Variants in THSD7B observed in about 807,000 individuals in gnomAD.
THSD7B encodes thrombospondin type 1 domain containing 7B, also known as thrombospondin type-1 domain-containing protein 7B.
A neutral mutation model predicts 213.6 loss-of-function variants in THSD7B; 138 were observed. That is an observed-to-expected ratio of 0.65 (90% CI 0.56 to 0.74). The LOEUF is 0.74. Among genes scored for constraint, THSD7B ranks in the 30% least tolerant of loss-of-function variants. The probability of loss-of-function intolerance (pLI) is 0.00; values close to 1 mark genes in which losing one functional copy is unlikely to be tolerated. For synonymous variants in THSD7B, 742 were observed against 687.0 expected (o/e 1.08, Z -1.25); for missense variants, 1,931 against 1,991.5 (o/e 0.97, Z 0.58).
At chr2:137,270,146 T>C (rs1179923476) in intron 10 of THSD7B, among the ~76,000 whole-genome samples, 1 of 143,790 alleles carries the variant, frequency 7.0e-6, no homozygotes, top group African/African-American at 2.6e-5. Flanking sequence ...TTGTTAGAGA[T>C]AGGGAGACAG....
At chr2:136,771,943 T>A (rs1160272454) in intron 1 of THSD7B, among the ~76,000 whole-genome samples, 1 of 152,174 alleles carries the variant, frequency 6.6e-6, no homozygotes, top group Non-Finnish European at 1.5e-5. Flanking sequence ...ATTAGTTAAT[T>A]ACCTATGAAT....
At chr2:137,367,096 T>C (rs1295847998) in intron 12 of THSD7B, among the ~76,000 whole-genome samples, 6 of 152,080 alleles carry the variant, frequency 3.9e-5, no homozygotes. Context: ...TTGTTTTGGC[T>C]TGAAATCTTT....
At chr2:137,663,960 T>C (rs1381771887) in intron 26 of THSD7B, among the ~76,000 whole-genome samples, 1 of 152,130 alleles carries the variant, frequency 6.6e-6, no homozygotes, top group Admixed American at 6.6e-5. Flanking sequence ...CAAGCGATTC[T>C]CCTGCCATAG....
intron 14 of THSD7B, among the ~76,000 whole-genome samples, chr2:137,421,272 T>C (rs1686920127): frequency 6.6e-6 from 1 of 152,142 alleles, no homozygotes; most frequent in African/African-American, 2.4e-5. Flanking sequence ...ATTCTAATAC[T>C]GTCTATCTGG....
chr2:137,123,114 G>A (rs947026249), intron 5 of THSD7B, among the ~76,000 whole-genome samples: 6 of 151,998 alleles, frequency 3.9e-5, no homozygotes, highest in East Asian at 1.9e-4. Context: ...TCCTTGGCTC[G>A]TGCTGTGTGG....
At chr2:137,551,672 T>C (rs1680850899) in intron 15 of THSD7B, among the ~76,000 whole-genome samples, 1 of 152,224 alleles carries the variant, frequency 6.6e-6, no homozygotes, top group Admixed American at 6.5e-5. Context: ...GTATTATTAG[T>C]TTCATTTTTT....
chr2:136,859,499 C>G (rs1652431), intron 1 of THSD7B, among the ~76,000 whole-genome samples: 48,233 of 151,916 alleles, frequency 0.32, 8,247 homozygotes, highest in Non-Finnish European at 0.38. Flanking sequence ...CTATAGTAAC[C>G]AAGAGTTAAG....
intron 15 of THSD7B, among the ~76,000 whole-genome samples, chr2:137,543,098 G>A (rs1680638580): frequency 6.6e-6 from 1 of 151,738 alleles, no homozygotes; most frequent in South Asian, 2.1e-4. Context: ...GAAGCTGCCA[G>A]TGTCTGTGGC....
At chr2:136,909,050 G>A (rs1427713686) in intron 2 of THSD7B, among the ~76,000 whole-genome samples, 1 of 152,078 alleles carries the variant, frequency 6.6e-6, no homozygotes, top group Non-Finnish European at 1.5e-5. Context: ...AGGCATGATG[G>A]CATGTCCCTG....
At chr2:137,475,405 C>G (rs1337020234) in intron 15 of THSD7B, among the ~76,000 whole-genome samples, 1 of 152,062 alleles carries the variant, frequency 6.6e-6, no homozygotes, top group Non-Finnish European at 1.5e-5. Context: ...TCATTCTACT[C>G]TCTTATTAAA....
At chr2:137,620,224 G>T (rs1253941768) in intron 19 of THSD7B, among the ~76,000 whole-genome samples, 2 of 152,092 alleles carry the variant, frequency 1.3e-5, no homozygotes, top group Non-Finnish European at 2.9e-5. Context: ...AGCCTAGCTG[G>T]CTTTCTGTGT....
intron 5 of THSD7B, among the ~76,000 whole-genome samples, chr2:137,141,291 G>T (rs934874346): frequency 6.6e-6 from 1 of 152,054 alleles, no homozygotes; most frequent in African/African-American, 2.4e-5. Context: ...CTACAAGCTT[G>T]AGAGCAGGGA....
At chr2:137,285,802 A>G (rs1683158630) in intron 12 of THSD7B, among the ~76,000 whole-genome samples, 1 of 152,018 alleles carries the variant, frequency 6.6e-6, no homozygotes, top group South Asian at 2.1e-4. Flanking sequence ...ATGTGATCGA[A>G]TCATTAAGAA....
chr2:136,892,062 A>G (rs909739373), intron 2 of THSD7B, among the ~76,000 whole-genome samples: 8 of 151,976 alleles, frequency 5.3e-5, no homozygotes, highest in Admixed American at 5.2e-4. Flanking sequence ...TGGTCTCGCC[A>G]TATGGAAGCT....
intron 17 of THSD7B, among the ~76,000 whole-genome samples, chr2:137,581,754 C>G (rs1003948846): frequency 2.9e-4 from 39 of 136,540 alleles, no homozygotes; most frequent in African/African-American, 9.5e-4. Flanking sequence ...AGCGAGACTC[C>G]GTCTCAAAAA....
At chr2:136,887,676 A>G (rs893190032) in intron 2 of THSD7B, among the ~76,000 whole-genome samples, 1 of 152,114 alleles carries the variant, frequency 6.6e-6, no homozygotes, top group Non-Finnish European at 1.5e-5. Flanking sequence ...AGCAGATGCT[A>G]GCACTGTGCT....
chr2:136,912,604 C>A (rs1007991546), intron 2 of THSD7B, among the ~76,000 whole-genome samples: 2 of 152,122 alleles, frequency 1.3e-5, no homozygotes, highest in Non-Finnish European at 2.9e-5. Flanking sequence ...AGAATTCCCA[C>A]GTGTTGTAGG....
intron 1 of THSD7B, among the ~76,000 whole-genome samples, chr2:136,802,458 T>C (rs1157059539): frequency 1.3e-5 from 2 of 151,578 alleles, no homozygotes; most frequent in South Asian, 2.1e-4. Context: ...TTCAGAAATG[T>C]ACACAGCAGG....
chr2:137,412,621 CAAAAA>C (rs199913921), intron 14 of THSD7B, among the ~76,000 whole-genome samples: 1 of 103,804 alleles, frequency 9.6e-6, no homozygotes, highest in Non-Finnish European at 1.9e-5. Context: ...CAAAAAAAAA[CAAAAA>C]ACAGTTTTAC....
Sources: allele counts gnomAD v4.1 joint callset (sites outside exome capture counted in the v4.1 genomes callset), GRCh38; gene constraint gnomAD v4.1.1; transcripts MANE v1.5; gene names NCBI Gene and HGNC (gene_info 2026-07-23, HGNC 2026-07-21).